Variants in ROCK2 observed in about 807,000 individuals in gnomAD.
ROCK2 encodes the protein rho-associated protein kinase 2.
ROCK2 carries 61 observed loss-of-function variants against 195.1 expected under a neutral mutation model. The observed-to-expected ratio is 0.31, with a 90% CI of 0.25 to 0.39. ROCK2 has a LOEUF of 0.39. ROCK2 is among the 10% of genes least tolerant of loss of function. The pLI is 1.00. For missense variants in ROCK2, 1,109 were observed against 1,637.4 expected, an observed-to-expected ratio of 0.68 and a Z score of 5.57; for synonymous variants, 504 against 545.5, an observed-to-expected ratio of 0.92 and a Z score of 1.06.
chr2:11,320,842 A>T (rs554497945), intron 1 of ROCK2, among the ~76,000 whole-genome samples: 3 of 152,326 alleles, frequency 2.0e-5, no homozygotes, highest in African/African-American at 7.2e-5. Context: ...GTCACCCTGG[A>T]TTGCAGAAGC....
At chr2:11,315,438 AT>A (rs1301812286) in intron 1 of ROCK2, among the ~76,000 whole-genome samples, 10 of 151,902 alleles carry the variant, frequency 6.6e-5, no homozygotes, top group African/African-American at 1.7e-4. Flanking sequence ...ACAGTTTAAA[AT>A]TTTTTTAATT....
intron 1 of ROCK2, among the ~76,000 whole-genome samples, chr2:11,326,569 C>T (rs190807581): frequency 1.0e-3 from 159 of 152,148 alleles, no homozygotes; most frequent in African/African-American, 3.0e-3. Context: ...ACTGAGGTTT[C>T]GTTTTTGTTT....
intron 1 of ROCK2, among the ~76,000 whole-genome samples, chr2:11,289,552 G>A (rs1032747106): frequency 1.3e-5 from 2 of 152,090 alleles, no homozygotes; most frequent in African/African-American, 4.8e-5. Context: ...AATATAAATT[G>A]ACAAGGAAAA....
rs190452448 is a variant in ROCK2, at chr2:11,282,964, C to T, written c.324+3575G>A. On this transcript the variant is annotated intron_variant, in intron 3 of 32. Coordinates refer to ENST00000315872, the MANE Select transcript of ROCK2 (RefSeq NM_004850.5). ...AATGGGCCAAAGACCTGAACAGACA[C>T]TTCATCAAAGAAGATATACAGGCTA... 2.8e-3 allele frequency among the ~76,000 whole-genome samples: 423 copies of T among 152,246 alleles called. 1 individual carries two copies. The highest frequency in any genetic ancestry group is 9.6e-3 in the African/African-American group (398 of 41,546).
chr2:11,238,854 T>C lies in ROCK2; in HGVS notation c.463-2892A>G, dbSNP rs567200439. Among the ~76,000 whole-genome samples the C allele has an allele frequency of 7.2e-5, 11 of 152,102 alleles. No individual in the cohort carries two copies. The South Asian group carries it at 1.9e-3, about 26-fold the overall frequency. ...ACAGTGAGATATGAGTACTGGCATA[T>C]GAAAAGATACATAGATCGATTGAAC... On this transcript the variant is annotated intron_variant, in intron 4 of 32. Transcript: ENST00000315872.
At chr2:11,183,500 T>C in intron 32 of ROCK2, 60 bp from the exon 33 acceptor site, 1 of 1,309,560 alleles carries the variant, frequency 7.6e-7, no homozygotes, top group Non-Finnish European at 1.1e-6. Context: ...GAGTGTTAAA[T>C]TCCTAGAAAA....
Position 11,197,767 on chromosome 2 carries a change from A to G in ROCK2, c.3100-62T>C, listed in dbSNP as rs1663694431. The G allele has an allele frequency of 8.5e-7, 1 of 1,176,792 alleles. No individual in the cohort carries two copies. Among genetic ancestry groups the G allele is most frequent in the Non-Finnish European group, 1.1e-6 (1 of 888,584 alleles). 72.9% of individuals were successfully genotyped at this position (1,176,792 alleles called of 1,614,324 possible). ...AAATAAATTACGTTTATGGTTTCTC[A>G]GTATCTCATCAAGAGCAACAAGTTA... On this transcript the variant is annotated intron_variant, in intron 25 of 32. Coordinates refer to ENST00000315872, the MANE Select transcript of ROCK2 (RefSeq NM_004850.5). This position sits in a 1 kb window ranked among gnomAD's most constrained non-coding sequence, Gnocchi z 4.9.
In ROCK2 at chr2:11,249,712, A is replaced by C; in HGVS notation, c.411T>G (p.Phe137Leu). Residue 137 changes from phenylalanine to leucine, a missense_variant, in exon 4 of 33, where the codon TTT becomes TTG. Physicochemically the swap from Phe to Leu is conservative, Grantham distance 22. Around this residue, in one of 6 missense-constraint regions of ROCK2, gnomAD observed 253 missense variants for 455.5 expected, o/e 0.56. Coordinates refer to ENST00000315872, the MANE Select transcript of ROCK2 (RefSeq NM_004850.5). ...AGGCCATAATATCTCTTTCTTCCCA[A>C]AAAAAGGCAGAATCTGATCTTTTTA... is the stretch of plus-strand genomic sequence containing the variant. Reference protein sequence around the residue: ...EMIKRSDSAFFWEERDIMAFA... With the variant: ...EMIKRSDSAFLWEERDIMAFA... The C allele has an allele frequency of 6.3e-7, 1 of 1,584,946 alleles. No homozygotes were observed. Among genetic ancestry groups the C allele is most frequent in the Non-Finnish European group, 8.6e-7 (1 of 1,167,446 alleles).
chr2:11,248,617 G>A (rs1432921546), intron 4 of ROCK2, among the ~76,000 whole-genome samples: 11 of 144,600 alleles, frequency 7.6e-5, no homozygotes, highest in African/African-American at 2.8e-4. Context: ...ACTGAGGCAG[G>A]AGAACCGCTT....
chr2:11,219,298 G>C (rs55995833), intron 9 of ROCK2, among the ~76,000 whole-genome samples: 54,325 of 136,310 alleles, frequency 0.4, 12,177 homozygotes, highest in Admixed American at 0.55. Flanking sequence ...TCAGGAGTTC[G>C]AGACCAGTGT....
intron 1 of ROCK2, among the ~76,000 whole-genome samples, chr2:11,306,672 AG>A (rs1409516437): frequency 6.6e-6 from 1 of 152,236 alleles, no homozygotes; most frequent in Non-Finnish European, 1.5e-5. Context: ...AACAGGTAAA[AG>A]AACTCCGCTG....
intron 4 of ROCK2, among the ~76,000 whole-genome samples, chr2:11,243,022 T>C (rs565992628): frequency 6.4e-4 from 97 of 152,176 alleles, no homozygotes; most frequent in African/African-American, 2.3e-3. Flanking sequence ...CCTGGGACCC[T>C]AGGAACCTGT....
In ROCK2 at chr2:11,285,728, G is replaced by C. The variant is rs762250150; in HGVS notation, c.324+811C>G. 3.4e-4 allele frequency among the ~76,000 whole-genome samples: 52 copies of C among 152,130 alleles called. 1 individual carries two copies. The highest frequency in any genetic ancestry group is 2.6e-4 in the Admixed American group (4 of 15,272). ...TATAGTCCCAGCTTCTTGGAGGGCT[G>C]AGGTAGGAGAACTGCTTGAGCTTGA... is the stretch of plus-strand genomic sequence containing the variant. On this transcript the variant is annotated intron_variant, in intron 3 of 32. Coordinates refer to ENST00000315872, the MANE Select transcript of ROCK2 (RefSeq NM_004850.5).
At chr2:11,186,040 T>A (rs1385882776) in intron 32 of ROCK2, among the ~76,000 whole-genome samples, 1 of 152,228 alleles carries the variant, frequency 6.6e-6, no homozygotes, top group Non-Finnish European at 1.5e-5. Flanking sequence ...CTGATACAGC[T>A]GGTTAACTTT....
intron 1 of ROCK2, among the ~76,000 whole-genome samples, chr2:11,296,817 A>T (rs1054596796): frequency 5.9e-5 from 9 of 152,168 alleles, no homozygotes; most frequent in African/African-American, 2.2e-4. Context: ...GGCTAGTGTG[A>T]CAACTAATGA....
chr2:11,301,928 C>G (rs910230818), intron 1 of ROCK2, among the ~76,000 whole-genome samples: 1 of 152,094 alleles, frequency 6.6e-6, no homozygotes, highest in Non-Finnish European at 1.5e-5. Context: ...CGCTCAGCCT[C>G]CCAACTAGCT....
chr2:11,299,549 A>G (rs1667642351), intron 1 of ROCK2, among the ~76,000 whole-genome samples: 1 of 148,132 alleles, frequency 6.8e-6, no homozygotes, highest in Non-Finnish European at 1.5e-5. Context: ...TTCCACTAGA[A>G]AAAAAAAAAT....
In ROCK2 at chr2:11,201,020, C is replaced by A. The variant is rs923187286; in HGVS notation, c.2847G>T (p.Glu949Asp). 1 of 1,613,396 alleles carries A rather than the reference C, an allele frequency of 6.2e-7. No homozygotes were observed. Among genetic ancestry groups the A allele is most frequent in the Non-Finnish European group, 8.5e-7 (1 of 1,179,814 alleles). ...TGTGTCTAGCCATCATCTCTTTGAT[C>A]TCCAGCTCTTTCATGATCTTCTCTT... ...LEKEKIMKEL[E>D]IKEMMARHKQ... is the part of the protein sequence containing the mutation. The change falls in exon 23 of 33, where the codon GAG becomes GAT. Residue 949 changes from glutamate (E) to aspartate (D), a missense_variant. Transcript: ENST00000315872. The surrounding 1 kb of genome is among the most constrained non-coding windows in gnomAD (Gnocchi z 4.6).
chr2:11,246,771 T>C (rs1665632589), intron 4 of ROCK2, among the ~76,000 whole-genome samples: 1 of 152,114 alleles, frequency 6.6e-6, no homozygotes, highest in Non-Finnish European at 1.5e-5. Context: ...CATTTAAAAA[T>C]AAGAGCTGAG....
Sources: allele counts gnomAD v4.1 joint callset (sites outside exome capture counted in the v4.1 genomes callset), GRCh38; gene constraint gnomAD v4.1.1; regional missense constraint gnomAD v4.1.1; non-coding constraint Gnocchi (gnomAD v3.1); transcripts MANE v1.5; gene names NCBI Gene and HGNC (gene_info 2026-07-23, HGNC 2026-07-21).